Variants in NCKAP5 observed in about 807,000 individuals in gnomAD.
NCKAP5 encodes the protein NCK associated protein 5.
In NCKAP5, 92 loss-of-function variants were observed where a neutral mutation model predicts 167.0. The ratio of observed to expected loss-of-function variants is 0.55; its 90% CI spans 0.47 to 0.66. The LOEUF is 0.66. NCKAP5 is among the 30% of genes least tolerant of loss of function. The probability of loss-of-function intolerance (pLI) is 0.00; values close to 1 mark genes in which losing one functional copy is unlikely to be tolerated. For synonymous variants in NCKAP5, 891 were observed against 877.4 expected (o/e 1.02, Z -0.27); for missense variants, 2,378 against 2,315.0 (o/e 1.03, Z -0.56).
chr2:133,184,095 T>C (rs949637218), intron 5 of NCKAP5, among the ~76,000 whole-genome samples: 10 of 151,972 alleles, frequency 6.6e-5, no homozygotes, highest in African/African-American at 2.4e-4. Flanking sequence ...ACCCAACAGG[T>C]AGTTTGTTAG....
intron 3 of NCKAP5, among the ~76,000 whole-genome samples, chr2:133,393,320 A>G (rs575339079): frequency 1.3e-5 from 2 of 152,320 alleles, no homozygotes; most frequent in South Asian, 4.1e-4. Flanking sequence ...AAGTTGTTTG[A>G]ACTTTAGTTG....
intron 3 of NCKAP5, among the ~76,000 whole-genome samples, chr2:133,341,962 G>A (rs143696970): frequency 0.013 from 1,915 of 151,462 alleles, 43 homozygotes; most frequent in African/African-American, 0.044. Flanking sequence ...TTTTTGAGAC[G>A]GAGTCTCACT....
chr2:133,476,778 T>C (rs551207785), intron 3 of NCKAP5, among the ~76,000 whole-genome samples: 60 of 152,358 alleles, frequency 3.9e-4, no homozygotes, highest in African/African-American at 1.4e-3. Flanking sequence ...TTGATTTTTA[T>C]ATCATGGATT....
chr2:133,368,665 T>A (rs1461469502), intron 3 of NCKAP5, among the ~76,000 whole-genome samples: 1 of 152,216 alleles, frequency 6.6e-6, no homozygotes, highest in Non-Finnish European at 1.5e-5. Context: ...AAATGAAGCA[T>A]GAAGGATGGC....
chr2:133,096,791 G>T (rs781486968), intron 6 of NCKAP5, among the ~76,000 whole-genome samples: 1 of 152,100 alleles, frequency 6.6e-6, no homozygotes, highest in Non-Finnish European at 1.5e-5. Flanking sequence ...GGTACTAGTC[G>T]CTAATGAATG....
At chr2:133,123,371 A>G (rs1274621125) in intron 6 of NCKAP5, 1 of 161,812 alleles carries the variant, frequency 6.2e-6, no homozygotes, top group Non-Finnish European at 1.4e-5. Flanking sequence ...TCACTAAGAT[A>G]CAAACTTCTG....
rs753035570 is a variant in NCKAP5, at chr2:132,783,998, G to A, written c.2813C>T (p.Ser938Phe). The change falls in exon 14 of 20, where the codon TCC becomes TTC. Residue 938 changes from serine to phenylalanine, a missense_variant. This residue lies in a region of NCKAP5 where 1,325 missense variants were observed against 1,274.5 expected (regional missense o/e 1.04). Transcript: ENST00000409261. ...GTCATAGCTGGGCCTGGCCAGCAGGGAGACGGACCTGCCTGGAGGGGGCGG... is the reference window on the plus strand; with the variant it reads ...GTCATAGCTGGGCCTGGCCAGCAGGAAGACGGACCTGCCTGGAGGGGGCGG... ...SPPPPPGRSVSLLARPSYDYS... is the reference protein window; with the variant it reads ...SPPPPPGRSVFLLARPSYDYS... 6.3e-7 allele frequency: 1 copy of A among 1,591,052 alleles called. No homozygotes were observed. Among genetic ancestry groups the A allele is most frequent in the Non-Finnish European group, 8.5e-7 (1 of 1,170,848 alleles).
In NCKAP5 at chr2:132,782,761, G is replaced by A. The variant is rs1479771339; in HGVS notation, c.4050C>T (p.Gly1350=). 1 of 1,613,954 alleles carries A rather than the reference G, an allele frequency of 6.2e-7. No individual in the cohort carries two copies. Residue 1350 remains glycine (G), a synonymous_variant, in exon 14 of 20, where the codon GGC becomes GGT. Coordinates refer to ENST00000409261, the MANE Select transcript of NCKAP5 (RefSeq NM_207363.3). Reference sequence around the variant, plus strand: ...TGAAGCTGCCTGAGCTCCCCAGGGAGCCCTTCCCGGAGGAGGGGTGCCCCG... The same window carrying A: ...TGAAGCTGCCTGAGCTCCCCAGGGAACCCTTCCCGGAGGAGGGGTGCCCCG... The part of the protein sequence containing the change: ...RPSGHPSSGK[G]SLGSSGSFSS...
chr2:133,041,632 A>G (rs980839102), intron 6 of NCKAP5, among the ~76,000 whole-genome samples: 1 of 152,160 alleles, frequency 6.6e-6, no homozygotes, highest in Non-Finnish European at 1.5e-5. Flanking sequence ...TAACAGTTCA[A>G]TTTCACAAAA....
chr2:133,435,664 T>C (rs1690427823), intron 3 of NCKAP5, among the ~76,000 whole-genome samples: 2 of 152,194 alleles, frequency 1.3e-5, no homozygotes, highest in Admixed American at 1.3e-4. Context: ...AAGGTTTTAG[T>C]TAAAAAAAGC....
chr2:133,283,880 C>T (rs916994417), intron 4 of NCKAP5, among the ~76,000 whole-genome samples: 8 of 151,964 alleles, frequency 5.3e-5, no homozygotes, highest in Admixed American at 1.3e-4. Context: ...CAAAGTGCTA[C>T]GATTACAGGC....
intron 19 of NCKAP5, among the ~76,000 whole-genome samples, chr2:132,680,164 C>T (rs1027420412): frequency 2.6e-5 from 4 of 152,060 alleles, no homozygotes; most frequent in African/African-American, 7.2e-5. Context: ...TCCCGGTGCT[C>T]GGTTCCCTCT....
At chr2:133,210,047 C>T (rs964937694) in intron 5 of NCKAP5, among the ~76,000 whole-genome samples, 5 of 151,852 alleles carry the variant, frequency 3.3e-5, no homozygotes, top group African/African-American at 7.3e-5. Context: ...CACTTATAAT[C>T]CCAGCTCCTT....
intron 4 of NCKAP5, among the ~76,000 whole-genome samples, chr2:133,279,484 T>A (rs1340167810): frequency 6.6e-6 from 1 of 152,232 alleles, no homozygotes; most frequent in Admixed American, 6.5e-5. Flanking sequence ...ATAACTAATA[T>A]CACATAGCTT....
At chr2:132,771,563 G>A (rs564418239) in intron 16 of NCKAP5, among the ~76,000 whole-genome samples, 17 of 152,202 alleles carry the variant, frequency 1.1e-4, no homozygotes, top group African/African-American at 3.1e-4. Flanking sequence ...GTAGTGTAAG[G>A]TGATGTCCTG....
At chr2:133,101,045 T>C (rs1276830079) in intron 6 of NCKAP5, among the ~76,000 whole-genome samples, 1 of 152,018 alleles carries the variant, frequency 6.6e-6, no homozygotes, top group Non-Finnish European at 1.5e-5. Context: ...GGTCTAACGT[T>C]TAAACCTTTA....
intron 4 of NCKAP5, among the ~76,000 whole-genome samples, chr2:133,231,686 CA>C (rs924823894): frequency 1.8e-4 from 26 of 147,788 alleles, no homozygotes; most frequent in East Asian, 3.9e-4. Flanking sequence ...CAGGGTCCAT[CA>C]AAAAAAAAAT....
the NCKAP5 span, among the ~76,000 whole-genome samples, chr2:133,626,421 T>C: frequency 5.3e-5 from 8 of 151,574 alleles, no homozygotes; most frequent in East Asian, 1.4e-3. Flanking sequence ...AAAAACTTTA[T>C]AGGATAGACA....
intron 3 of NCKAP5, among the ~76,000 whole-genome samples, chr2:133,414,656 C>T (rs1395636812): frequency 6.6e-6 from 1 of 152,138 alleles, no homozygotes; most frequent in Non-Finnish European, 1.5e-5. Context: ...CTCCTTACAC[C>T]ACCTCTCACT....
Sources: allele counts gnomAD v4.1 joint callset (sites outside exome capture counted in the v4.1 genomes callset), GRCh38; gene constraint gnomAD v4.1.1; regional missense constraint gnomAD v4.1.1; transcripts MANE v1.5; gene names NCBI Gene and HGNC (gene_info 2026-07-23, HGNC 2026-07-21).